The following DPP10 variants were observed in gnomAD, a reference collection of about 807,000 sequenced individuals.
DPP10 encodes dipeptidyl peptidase like 10, also known as inactive dipeptidyl peptidase 10.
DPP10 carries 33 observed loss-of-function variants against 120.9 expected under a neutral mutation model. That is an observed-to-expected ratio of 0.27 (90% CI 0.21 to 0.37). The LOEUF (loss-of-function observed/expected upper bound fraction) is 0.37. Ranked by LOEUF, DPP10 falls within the 10% of genes least tolerant of loss-of-function variation. The probability of loss-of-function intolerance (pLI) is 1.00; values close to 1 mark genes in which losing one functional copy is unlikely to be tolerated. For synonymous variants in DPP10, 337 were observed against 326.1 expected, an observed-to-expected ratio of 1.03 and a Z score of -0.36; for missense variants, 816 against 942.8, an observed-to-expected ratio of 0.87 and a Z score of 1.76.
chr2:114,596,431 T>C (rs554256638), intron 1 of DPP10, among the ~76,000 whole-genome samples: 4 of 152,176 alleles, frequency 2.6e-5, no homozygotes, highest in African/African-American at 9.6e-5. Context: ...TCTAGATTTC[T>C]AGAGGATTTC....
intron 1 of DPP10, among the ~76,000 whole-genome samples, chr2:114,858,744 A>G (rs17043694): frequency 0.27 from 40,482 of 151,998 alleles, 6,000 homozygotes; most frequent in East Asian, 0.58. Context: ...TATCATACCT[A>G]CCATTCATGG....
chr2:114,685,239 A>C (rs1699285821), intron 1 of DPP10, among the ~76,000 whole-genome samples: 1 of 151,880 alleles, frequency 6.6e-6, no homozygotes, highest in Non-Finnish European at 1.5e-5. Flanking sequence ...CTTGTGTGTT[A>C]ATTTCCTCAC....
intron 1 of DPP10, among the ~76,000 whole-genome samples, chr2:115,283,114 T>C (rs1393595518): frequency 6.6e-6 from 1 of 152,082 alleles, no homozygotes; most frequent in African/African-American, 2.4e-5. Flanking sequence ...CTCTTTTCTA[T>C]TCAAATCTTA....
chr2:114,483,992 T>C (rs60718740), intron 1 of DPP10, among the ~76,000 whole-genome samples: 1,703 of 152,240 alleles, frequency 0.011, 26 homozygotes, highest in African/African-American at 0.039. Context: ...TCCAAGTCAC[T>C]GTAGACTTTT....
intron 1 of DPP10, among the ~76,000 whole-genome samples, chr2:114,656,020 G>C (rs921675876): frequency 6.6e-6 from 1 of 152,128 alleles, no homozygotes; most frequent in Non-Finnish European, 1.5e-5. Context: ...TTCCTAAGGT[G>C]AATTGACTAC....
At chr2:114,953,197 C>T (rs555123372) in intron 1 of DPP10, among the ~76,000 whole-genome samples, 1 of 152,224 alleles carries the variant, frequency 6.6e-6, no homozygotes, top group Admixed American at 6.5e-5. Context: ...AACTGAAGGG[C>T]ATCTTTATAA....
intron 1 of DPP10, among the ~76,000 whole-genome samples, chr2:115,024,869 G>T: frequency 6.8e-6 from 1 of 147,584 alleles, no homozygotes; most frequent in Admixed American, 6.8e-5. Context: ...ATATATTTGA[G>T]GTTATGTATA....
chr2:115,746,530 A>C (rs1056197717), intron 10 of DPP10, among the ~76,000 whole-genome samples: 1 of 152,162 alleles, frequency 6.6e-6, no homozygotes, highest in African/African-American at 2.4e-5. Context: ...TGTTCATTAA[A>C]AGTGTATAAT....
chr2:115,321,829 T>TTGG (rs2062078724), intron 2 of DPP10, among the ~76,000 whole-genome samples: 1 of 152,170 alleles, frequency 6.6e-6, no homozygotes, highest in Non-Finnish European at 1.5e-5. Context: ...TCTACTGAGT[T>TTGG]TGTATGTAAG....
intron 5 of DPP10, among the ~76,000 whole-genome samples, chr2:115,665,810 C>T (rs75379934): frequency 0.025 from 3,743 of 151,988 alleles, 149 homozygotes; most frequent in African/African-American, 0.083. Context: ...ATGGTGATAT[C>T]GAATCTACTA....
At chr2:114,583,176 A>G (rs1690679752) in intron 1 of DPP10, among the ~76,000 whole-genome samples, 1 of 152,206 alleles carries the variant, frequency 6.6e-6, no homozygotes, top group South Asian at 2.1e-4. Flanking sequence ...CTATCTAAGT[A>G]TATGTGCTTT....
intron 1 of DPP10, among the ~76,000 whole-genome samples, chr2:114,766,540 T>A (rs1295321821): frequency 6.6e-6 from 1 of 152,078 alleles, no homozygotes; most frequent in African/African-American, 2.4e-5. Context: ...TATCCTCCAG[T>A]GGGTGAATGG....
chr2:115,328,336 CAGAA>C (rs1400840964), intron 2 of DPP10, among the ~76,000 whole-genome samples: 4 of 152,032 alleles, frequency 2.6e-5, no homozygotes, highest in African/African-American at 7.2e-5. Flanking sequence ...AAAAAGGTCT[CAGAA>C]AGAGGTTTGA....
chr2:115,098,005 A>G (rs2048486223), intron 1 of DPP10, among the ~76,000 whole-genome samples: 1 of 152,172 alleles, frequency 6.6e-6, no homozygotes, highest in African/African-American at 2.4e-5. Context: ...ATGTAGTCAA[A>G]ATTAAGGCCA....
intron 3 of DPP10, among the ~76,000 whole-genome samples, chr2:115,491,425 T>A (rs1009410488): frequency 1.3e-5 from 2 of 152,136 alleles, no homozygotes; most frequent in African/African-American, 4.8e-5. Context: ...GGCTAGTTTG[T>A]CAGGAGCCCT....
intron 1 of DPP10, among the ~76,000 whole-genome samples, chr2:114,491,096 A>G (rs554174830): frequency 6.6e-5 from 10 of 152,160 alleles, no homozygotes; most frequent in Non-Finnish European, 1.5e-4. Context: ...ATGACTTTCA[A>G]AGAAATTTGC....
chr2:115,830,043 T>C (rs1199347001), intron 21 of DPP10, among the ~76,000 whole-genome samples: 1 of 152,110 alleles, frequency 6.6e-6, no homozygotes, highest in Non-Finnish European at 1.5e-5. Context: ...CAAAATTTTA[T>C]GGACATAGCT....
At chr2:115,245,853 A>G (rs1416076938) in intron 1 of DPP10, among the ~76,000 whole-genome samples, 9 of 152,154 alleles carry the variant, frequency 5.9e-5, no homozygotes, top group Admixed American at 5.9e-4. Context: ...ATATATCTTA[A>G]TGAGACCAAC....
intron 1 of DPP10, among the ~76,000 whole-genome samples, chr2:114,843,258 A>G (rs1382866823): frequency 1.3e-5 from 2 of 152,134 alleles, no homozygotes; most frequent in Non-Finnish European, 2.9e-5. Context: ...CCCTGGAGGA[A>G]CAAAGTTCAT....
Sources: allele counts gnomAD v4.1 joint callset (sites outside exome capture counted in the v4.1 genomes callset), GRCh38; gene constraint gnomAD v4.1.1; transcripts MANE v1.5; gene names NCBI Gene and HGNC (gene_info 2026-07-23, HGNC 2026-07-21).